The following SMIM27 variants were observed in gnomAD, a reference collection of about 807,000 sequenced individuals.
SMIM27 encodes the protein transition zone microprotein 1, also known as TOPORS antisense RNA 1 (non-protein coding).
Under a neutral mutation model 1.8 loss-of-function variants are expected in SMIM27, and 3 were observed. The observed-to-expected ratio is 1.65, with a 90% CI of 0.75 to 4.28. The LOEUF (loss-of-function observed/expected upper bound fraction) is 4.28. Among genes scored for constraint, SMIM27 ranks in the 30% most tolerant of loss-of-function variants. The pLI is 0.02. For synonymous variants in SMIM27, 19 were observed against 13.9 expected (o/e 1.37, Z -0.82); for missense variants, 63 against 37.0 (o/e 1.70, Z -1.83).
At chr9:32,553,861 C>T, downstream of SMIM27, 1 of 1,535,134 alleles carries the variant, frequency 6.5e-7, no homozygotes, top group African/African-American at 1.4e-5. Context: ...AGCCTTTTAA[C>T]TTTTTACATA....
chr9:32,555,101 A>AT (rs1821421173), downstream of SMIM27, among the ~76,000 whole-genome samples: 3 of 152,090 alleles, frequency 2.0e-5, no homozygotes, highest in Admixed American at 2.0e-4. Flanking sequence ...TGACCAAAAA[A>AT]AAAAAAAGTT....
chr9:32,552,249 G>T (rs538129082), upstream of SMIM27: 2 of 741,238 alleles, frequency 2.7e-6, no homozygotes, highest in South Asian at 3.2e-5. Context: ...CAAGGCCCCC[G>T]ATCACGTGAT....
chr9:32,554,431 G>A (rs1000730629), downstream of SMIM27, among the ~76,000 whole-genome samples: 2 of 152,140 alleles, frequency 1.3e-5, no homozygotes, highest in Non-Finnish European at 2.9e-5. Flanking sequence ...TATAGATGTG[G>A]GCAAAAAGGC....
exon 2 of SMIM27, chr9:32,566,553 T>A: frequency 1.3e-6 from 1 of 776,118 alleles, no homozygotes; most frequent in Admixed American, 1.7e-5. Context: ...ATAGCTGCCG[T>A]CGTACTGCAC....
intron 1 of SMIM27, among the ~76,000 whole-genome samples, chr9:32,565,878 A>C (rs1172634348): frequency 2.0e-5 from 3 of 152,184 alleles, no homozygotes; most frequent in Non-Finnish European, 4.4e-5. Context: ...AGGTTGAGGC[A>C]GGAGAATCAC....
In SMIM27 at chr9:32,566,438, T is replaced by C. The variant is rs1026017319; in HGVS notation, c.93T>C (p.Val31=). The change falls in exon 2 of 2, where the codon GTT becomes GTC. Residue 31 remains valine, a synonymous_variant. Transcript: ENST00000451672. ...CTGCTCTCCCTGTTACTGTAGGGGT[T>C]GATGGAGTATCTTGACAAGCAGCCG... 3.6e-6 allele frequency: 3 copies of C among 828,436 alleles called. No individual in the cohort carries two copies. The African/African-American group carries it at 5.0e-5, about 14-fold the overall frequency. The allele number at this position is 828,436 out of a possible 1,614,324, so 51.3% of individuals were successfully genotyped here.
At chr9:32,555,042 T>C (rs1293778729), downstream of SMIM27, among the ~76,000 whole-genome samples, 2 of 150,960 alleles carry the variant, frequency 1.3e-5, no homozygotes, top group Admixed American at 1.3e-4. Context: ...GACATAAAAA[T>C]GGAGAGGACG....
At chr9:32,561,272 A>C (rs1256299708) in intron 1 of SMIM27, among the ~76,000 whole-genome samples, 1 of 152,078 alleles carries the variant, frequency 6.6e-6, no homozygotes, top group Non-Finnish European at 1.5e-5. Flanking sequence ...GGCCATGTCC[A>C]CTTGGACATC....
chr9:32,564,857 T>C (rs943948817), intron 1 of SMIM27, among the ~76,000 whole-genome samples: 1 of 152,356 alleles, frequency 6.6e-6, no homozygotes, highest in South Asian at 2.1e-4. Context: ...TTTTGCACTA[T>C]GTAAATGTAT....
At chr9:32,555,770 T>C (rs1821438411), downstream of SMIM27, among the ~76,000 whole-genome samples, 1 of 152,198 alleles carries the variant, frequency 6.6e-6, no homozygotes, top group East Asian at 1.9e-4. Context: ...AGATGTGGTC[T>C]AGGTAGATAA....
At chr9:32,553,704 A>T (rs1821370850), downstream of SMIM27, 3 of 567,380 alleles carry the variant, frequency 5.3e-6, no homozygotes, top group Admixed American at 6.7e-5. Flanking sequence ...TAGCATGTCC[A>T]CTTTTTACTT....
At chr9:32,566,364 CG>C in intron 1 of SMIM27, 1 of 1,178,544 alleles carries the variant, frequency 8.5e-7, no homozygotes, top group Non-Finnish European at 1.3e-6. Context: ...AATGATGGTG[CG>C]TTTTTGTTTC....
chr9:32,551,160 C>G (rs527654424), upstream of SMIM27: 20 of 683,728 alleles, frequency 2.9e-5, no homozygotes, highest in Non-Finnish European at 4.3e-5. Context: ...GCTCCAGACC[C>G]CGGAGGAGGG....
chr9:32,558,092 T>A lies in SMIM27; in HGVS notation c.45+5613T>A, dbSNP rs116665666. On this transcript the variant is annotated intron_variant, in intron 1 of 1. Transcript: ENST00000451672. ...AAAATAACTCATTTCAAATTAGTAC[T>A]ATAGCTCACACATTCATAGTATACA... Among the ~76,000 whole-genome samples the A allele has an allele frequency of 4.7e-3, 718 of 151,494 alleles. 4 individuals are homozygous for A. The highest frequency in any genetic ancestry group is 0.017 in the African/African-American group (692 of 41,286).
At chr9:32,556,846 C>CTT (rs10703297), downstream of SMIM27, among the ~76,000 whole-genome samples, 2,306 of 82,356 alleles carry the variant, frequency 0.028, 354 homozygotes, top group African/African-American at 0.073. Flanking sequence ...AAATCCCCTA[C>CTT]TTTTTTTTTT....
At position 32,552,980 on chromosome 9, in the gene SMIM27, A is replaced by G. The variant is rs1241155672; in HGVS notation, c.*57A>G. The stretch of plus-strand genomic sequence containing the variant: ...TTCTTTCCCTCATGCTTATGTAGAT[A>G]TAAAAATAAAATTCATAATGCAAAG... On this transcript the variant is annotated 3_prime_UTR_variant, in exon 2 of 2. Coordinates refer to ENST00000692500, the MANE Select transcript of SMIM27 (RefSeq NM_001387564.1). 1.6e-6 allele frequency: 1 copy of G among 619,566 alleles called. No homozygotes were observed. Among genetic ancestry groups the G allele is most frequent in the East Asian group, 2.8e-5 (1 of 35,958 alleles). 38.4% of individuals were successfully genotyped at this position (619,566 alleles called of 1,614,324 possible). A position where few individuals can be genotyped will look rare whatever the true frequency, so the allele number is the denominator to read the frequency against.
chr9:32,563,286 A>AC (rs903256692), intron 1 of SMIM27, among the ~76,000 whole-genome samples: 1 of 152,014 alleles, frequency 6.6e-6, no homozygotes, highest in African/African-American at 2.4e-5. Flanking sequence ...CAAATTAAAT[A>AC]TTTTGAGGAT....
chr9:32,562,019 T>C (rs1425660560), intron 1 of SMIM27, among the ~76,000 whole-genome samples: 1 of 152,216 alleles, frequency 6.6e-6, no homozygotes, highest in Non-Finnish European at 1.5e-5. Flanking sequence ...GCCTATCACA[T>C]GCAGTTCAAC....
At chr9:32,553,990 G>C (rs1821382160), downstream of SMIM27, 1 of 1,226,384 alleles carries the variant, frequency 8.2e-7, no homozygotes. Context: ...TAAGTCTACA[G>C]AGGTGATAGT....
Sources: gnomAD v4.1 joint callset for allele counts (sites outside exome capture counted in the v4.1 genomes callset) on GRCh38, gnomAD v4.1.1 for gene constraint, MANE v1.5 for transcripts, NCBI Gene and HGNC (gene_info 2026-07-23, HGNC 2026-07-21) for gene names.